Variants in SAMD11 observed in about 807,000 individuals in gnomAD.
SAMD11 encodes sterile alpha motif domain-containing protein 11.
In SAMD11, 77 loss-of-function variants were observed where a neutral mutation model predicts 64.4. That is an observed-to-expected ratio of 1.20 (90% CI 0.99 to 1.44). The LOEUF is 1.44. SAMD11 is among the 40% of genes most tolerant of loss of function. The pLI, the probability that SAMD11 is intolerant of heterozygous loss-of-function variation, is 0.00. For missense variants in SAMD11, 1,402 were observed against 943.3 expected (o/e 1.49, Z -6.37); for synonymous variants, 658 against 421.9 (o/e 1.56, Z -6.86).
intron 5 of SAMD11, among the ~76,000 whole-genome samples, chr1:938,654 G>A (rs75790500): frequency 0.075 from 11,370 of 152,028 alleles, 914 homozygotes; most frequent in East Asian, 0.28. Flanking sequence ...TGCACAGCCC[G>A]CCCTCACTCC....
At chr1:931,540 A>G (rs2341361) in intron 4 of SAMD11, among the ~76,000 whole-genome samples, 152,247 of 152,302 alleles carry the variant, frequency 1, 76,096 homozygotes, top group Middle Eastern at 1. Context: ...TCTGCAGAGT[A>G]GAGGAACAGG....
rs1320810849 is a variant in SAMD11 at position 930,299 on chromosome 1, C to G, written c.754C>G (p.Gln252Glu). 1 of 1,608,620 alleles carries G rather than the reference C, an allele frequency of 6.2e-7. No individual in the cohort carries two copies. Among genetic ancestry groups the G allele is most frequent in the Non-Finnish European group, 8.5e-7 (1 of 1,177,982 alleles). ...CTGTGGGCGGCGGCCAGGCTTGAAG[C>G]AGGAGGATGGTCCGCACATCCGTAT... is the stretch of plus-strand genomic sequence containing the variant. ...PTCGRRPGLK[Q>E]EDGPHIRIMK... Residue 252 changes from glutamine to glutamate, a missense_variant, in exon 3 of 14, where the codon CAG (glutamine) becomes GAG (glutamate). By Grantham distance (29) the Gln-to-Glu change is conservative. Coordinates refer to ENST00000616016, the MANE Select transcript of SAMD11 (RefSeq NM_001385641.1).
intron 1 of SAMD11, 182 bp from the exon 2 acceptor site, chr1:925,740 A>C (rs1184920619): frequency 1.7e-6 from 1 of 588,594 alleles, no homozygotes; most frequent in Non-Finnish European, 3.1e-6. Flanking sequence ...TGCAGAGCCC[A>C]GCAGATCCCT....
chr1:932,162 T>C (rs1199753904), intron 4 of SAMD11, among the ~76,000 whole-genome samples: 6 of 152,282 alleles, frequency 3.9e-5, no homozygotes, highest in Admixed American at 2.0e-4. Context: ...ATCATTTTTA[T>C]GAACTGTCAT....
chr1:938,783 G>A (rs1004891016), intron 5 of SAMD11, among the ~76,000 whole-genome samples: 5 of 152,204 alleles, frequency 3.3e-5, no homozygotes, highest in Admixed American at 6.5e-5. Flanking sequence ...GGGCAGCTGG[G>A]TGCCTGCTGT....
chr1:939,044 C>A lies in SAMD11; in HGVS notation c.972C>A (p.Asp324Glu). Residue 324 changes from aspartate to glutamate, a missense_variant, in exon 6 of 14, where the codon GAC becomes GAA. Coordinates refer to ENST00000616016, the MANE Select transcript of SAMD11 (RefSeq NM_001385641.1). The part of the protein sequence containing the change: ...SLEIGLRPAG[D>E]LLGKRLGRSP... The stretch of plus-strand genomic sequence containing the variant: ...GCACTCACTACCCTCCCGCAGGTGA[C>A]CTGTTGGGCAAGAGGCTGGGCCGCT... The A allele has an allele frequency of 6.3e-7, 1 of 1,599,628 alleles. No individual in the cohort carries two copies. Among genetic ancestry groups the A allele is most frequent in the Non-Finnish European group, 8.5e-7 (1 of 1,173,328 alleles).
chr1:931,777 T>C (rs1490585985), intron 4 of SAMD11, among the ~76,000 whole-genome samples: 4 of 152,052 alleles, frequency 2.6e-5, no homozygotes, highest in Non-Finnish European at 5.9e-5. Context: ...GTAGGGGGTG[T>C]GATTCCAGGA....
chr1:928,266 C>T lies in SAMD11; in HGVS notation c.610-1889C>T, dbSNP rs559956142. On this transcript the variant is annotated intron_variant, in intron 2 of 13. Coordinates refer to ENST00000616016, the MANE Select transcript of SAMD11 (RefSeq NM_001385641.1). ...AATTAGCCGGGCGTGGTGGCGGGTG[C>T]CTGTAGTCCCAGCTACTTGGGAGGC... Among the ~76,000 whole-genome samples, 1,163 of 152,336 alleles carry T rather than the reference C, an allele frequency of 7.6e-3. 7 individuals are homozygous for T. Among genetic ancestry groups the T allele is most frequent in the Non-Finnish European group, 0.014 (937 of 68,024 alleles).
At chr1:935,418 T>C (rs1362167852) in intron 4 of SAMD11, among the ~76,000 whole-genome samples, 2 of 134,924 alleles carry the variant, frequency 1.5e-5, no homozygotes, top group Non-Finnish European at 3.0e-5. Context: ...GATCGGCCTC[T>C]TCCCGGGCGC....
intron 5 of SAMD11, 38 bp from the exon 6 acceptor site, chr1:939,002 C>T: frequency 6.5e-7 from 1 of 1,539,800 alleles, no homozygotes; most frequent in Non-Finnish European, 8.8e-7. Context: ...CCCTTCCATT[C>T]CTTGAGATGC....
In SAMD11 at chr1:939,287, T is replaced by TGCC. The variant is rs1213660228; in HGVS notation, c.1073_1075dup (p.Pro358dup). 20 of 1,605,634 alleles carry TGCC rather than the reference T, an allele frequency of 1.2e-5. No individual in the cohort carries two copies. Among genetic ancestry groups the TGCC allele is most frequent in the African/African-American group, 2.7e-5 (2 of 74,722 alleles). ...TCCTCCCCAGCAGAGGCGCTGCTGCTGCCGCGGGAGCTGGGGCCCAGCATG... is the reference window on the plus strand; with the variant it reads ...TCCTCCCCAGCAGAGGCGCTGCTGCTGCCGCCGCGGGAGCTGGGGCCCAGCATG... On this transcript the variant is annotated inframe_insertion, in exon 7 of 14. Coordinates refer to ENST00000616016, the MANE Select transcript of SAMD11 (RefSeq NM_001385641.1).
intron 4 of SAMD11, among the ~76,000 whole-genome samples, chr1:935,101 C>G (rs866032568): frequency 7.2e-5 from 11 of 152,056 alleles, no homozygotes; most frequent in African/African-American, 1.9e-4. Context: ...CTCTGGGACT[C>G]TGTGGATGTG....
intron 2 of SAMD11, among the ~76,000 whole-genome samples, chr1:928,106 G>T (rs928837817): frequency 2.6e-5 from 4 of 152,248 alleles, no homozygotes; most frequent in Non-Finnish European, 4.4e-5. Flanking sequence ...AAGAAGGGAG[G>T]TGGGAGGCCG....
In SAMD11 at chr1:944,419, G is replaced by C; in HGVS notation, c.*266G>C. On this transcript the variant is annotated 3_prime_UTR_variant, in exon 14 of 14. Coordinates refer to ENST00000616016, the MANE Select transcript of SAMD11 (RefSeq NM_001385641.1). ...GCCTGCAGGCCTCCCCCTGGAACTGGGACTGGTCTCGGTCTGCTGACGTCA... is the reference window on the plus strand; with the variant it reads ...GCCTGCAGGCCTCCCCCTGGAACTGCGACTGGTCTCGGTCTGCTGACGTCA... The C allele has an allele frequency of 4.4e-6, 5 of 1,130,194 alleles. No individual in the cohort carries two copies. Among genetic ancestry groups the C allele is most frequent in the South Asian group, 4.1e-5 (2 of 48,242 alleles). The allele number at this position is 1,130,194 out of a possible 1,614,324, so 70.0% of individuals were successfully genotyped here.
chr1:930,466 G>A, intron 3 of SAMD11, 130 bp downstream of exon 3: 1 of 1,052,022 alleles, frequency 9.5e-7, no homozygotes, highest in East Asian at 2.7e-5. Context: ...GTCTTTTTGG[G>A]GTCCTGTGTG....
In SAMD11 at chr1:944,566, T is replaced by A. The variant is rs1557613631; in HGVS notation, c.*413T>A. 2 of 639,562 alleles carry A rather than the reference T, an allele frequency of 3.1e-6. No homozygotes were observed. The highest frequency in any genetic ancestry group is 5.3e-6 in the Non-Finnish European group (2 of 376,740). The allele number at this position is 639,562 out of a possible 1,614,324, so 39.6% of individuals were successfully genotyped here. On this transcript the variant is annotated 3_prime_UTR_variant, in exon 14 of 14. Coordinates refer to ENST00000616016, the MANE Select transcript of SAMD11 (RefSeq NM_001385641.1). ...GTCTTTCATGCTGAAAAATAAATAATAAAGCCTGTCCCGTGTCTACTGCCT... is the reference window on the plus strand; with the variant it reads ...GTCTTTCATGCTGAAAAATAAATAAAAAAGCCTGTCCCGTGTCTACTGCCT...
intron 11 of SAMD11, 76 bp from the exon 12 acceptor site, chr1:943,177 G>C: frequency 6.2e-7 from 1 of 1,603,452 alleles, no homozygotes; most frequent in Non-Finnish European, 8.5e-7. Flanking sequence ...CTCAGCAATT[G>C]GGGCACACGA....
intron 2 of SAMD11, among the ~76,000 whole-genome samples, chr1:926,424 C>T (rs971689035): frequency 1.3e-5 from 2 of 152,206 alleles, no homozygotes; most frequent in Non-Finnish European, 2.9e-5. Flanking sequence ...TCTGGGACGA[C>T]AGCATTTTGG....
intron 2 of SAMD11, among the ~76,000 whole-genome samples, chr1:929,173 C>T (rs758505443): frequency 1.4e-4 from 22 of 152,344 alleles, no homozygotes; most frequent in South Asian, 2.1e-4. Context: ...TGGGCCGGCG[C>T]TGGTGTGCTG....
Sources: allele counts gnomAD v4.1 joint callset (sites outside exome capture counted in the v4.1 genomes callset), GRCh38; gene constraint gnomAD v4.1.1; transcripts MANE v1.5; gene names NCBI Gene and HGNC (gene_info 2026-07-23, HGNC 2026-07-21).